GRIP2: variants seen among roughly 807,000 people sequenced by gnomAD.
GRIP2 encodes the protein glutamate receptor interacting protein 2, also known as glutamate receptor-interacting protein 2.
GRIP2 carries 58 observed loss-of-function variants against 108.3 expected under a neutral mutation model. The ratio of observed to expected loss-of-function variants is 0.54; its 90% CI spans 0.43 to 0.67. GRIP2 has a LOEUF of 0.67. GRIP2 is among the 30% of genes least tolerant of loss of function. The probability of loss-of-function intolerance (pLI) is 0.00; values close to 1 mark genes in which losing one functional copy is unlikely to be tolerated. For synonymous variants in GRIP2, 586 were observed against 598.2 expected, an observed-to-expected ratio of 0.98 and a Z score of 0.30; for missense variants, 1,278 against 1,430.6, an observed-to-expected ratio of 0.89 and a Z score of 1.72.
chr3:14,580,857 C>T, the GRIP2 span, among the ~76,000 whole-genome samples: 1 of 152,190 alleles, frequency 6.6e-6, no homozygotes, highest in African/African-American at 2.4e-5. Context: ...GCATTTTACC[C>T]TCCACAATGT....
chr3:14,548,086 C>A (rs553114408), intron 1 of GRIP2, among the ~76,000 whole-genome samples: 2 of 152,248 alleles, frequency 1.3e-5, no homozygotes, highest in East Asian at 3.9e-4. Context: ...AGTGTCTGAG[C>A]CACGCCTTGA....
the GRIP2 span, among the ~76,000 whole-genome samples, chr3:14,572,325 C>A: frequency 2.0e-5 from 3 of 151,810 alleles, no homozygotes; most frequent in Non-Finnish European, 4.4e-5. Context: ...CGTCAAGACA[C>A]AAGCTAGGCC....
At chr3:14,545,185 C>A (rs1695039404), upstream of GRIP2, among the ~76,000 whole-genome samples, 1 of 152,242 alleles carries the variant, frequency 6.6e-6, no homozygotes, top group Non-Finnish European at 1.5e-5. Flanking sequence ...AGCAGAGACT[C>A]CACGCACCAG....
chr3:14,558,344 G>C (rs1429227820), upstream of GRIP2, among the ~76,000 whole-genome samples: 3 of 152,190 alleles, frequency 2.0e-5, no homozygotes, highest in African/African-American at 7.2e-5. Flanking sequence ...CGCCTGGCTG[G>C]CTTAGCCCAG....
chr3:14,539,408 C>G (rs1294598908), intron 1 of GRIP2, among the ~76,000 whole-genome samples: 3 of 152,276 alleles, frequency 2.0e-5, no homozygotes, highest in Admixed American at 6.5e-5. Context: ...CCCTCAGAAG[C>G]AGGGCTGGGG....
Position 14,493,378 on chromosome 3 carries a change from C to A in GRIP2, c.*287G>T, listed in dbSNP as rs1348224766. On this transcript the variant is annotated 3_prime_UTR_variant, in exon 24 of 24. Transcript: ENST00000621039. ...GACAGCCCCCAGGCCTCTCTCCTCT[C>A]GGCTGAGCAGCCTGTGCCAACCCTT... is the stretch of plus-strand genomic sequence containing the variant. 2.5e-6 allele frequency: 1 copy of A among 406,992 alleles called. No homozygotes were observed. The highest frequency in any genetic ancestry group is 4.8e-5 in the South Asian group (1 of 21,008). The allele number at this position is 406,992 out of a possible 1,614,324, so 25.2% of individuals were successfully genotyped here.
At chr3:14,563,210 T>G in the GRIP2 span, among the ~76,000 whole-genome samples, 1 of 152,126 alleles carries the variant, frequency 6.6e-6, no homozygotes, top group Admixed American at 6.5e-5. Context: ...TTAATTCTGC[T>G]GGGTTGCTGC....
At position 14,509,975 on chromosome 3, in the gene GRIP2, G is replaced by C. The variant is rs375935949; in HGVS notation, c.1934-11C>G. On this transcript the variant is annotated splice_polypyrimidine_tract_variant and intron_variant, in intron 16 of 23. Transcript: ENST00000621039. ...TGGTCTCCAGCTCATCTGCAAGCAC[G>C]GGGACCCATGAGGAGGAGGCCCCCG... The C allele has an allele frequency of 6.8e-7, 1 of 1,477,542 alleles. No individual in the cohort carries two copies. Among genetic ancestry groups the C allele is most frequent in the Admixed American group, 2.3e-5 (1 of 44,246 alleles). 91.5% of individuals were successfully genotyped at this position (1,477,542 alleles called of 1,614,324 possible). A position where few individuals can be genotyped will look rare whatever the true frequency, so the allele number is the denominator to read the frequency against.
the GRIP2 span, among the ~76,000 whole-genome samples, chr3:14,569,666 C>G: frequency 7.9e-5 from 12 of 152,302 alleles, no homozygotes; most frequent in African/African-American, 2.6e-4. Flanking sequence ...CACACACATG[C>G]CAGCGCCGCT....
At chr3:14,513,556 T>C (rs1694159178) in intron 13 of GRIP2, 109 bp downstream of exon 13, 1 of 1,379,082 alleles carries the variant, frequency 7.3e-7, no homozygotes, top group South Asian at 1.4e-5. Context: ...AGAAGGGCAC[T>C]GGGCACAGAG....
the GRIP2 span, among the ~76,000 whole-genome samples, chr3:14,591,279 C>T: frequency 2.0e-5 from 3 of 152,222 alleles, no homozygotes; most frequent in Admixed American, 6.5e-5. Context: ...CGCCCCATCA[C>T]TCCTGTGGTA....
chr3:14,577,052 C>T, the GRIP2 span, among the ~76,000 whole-genome samples: 1 of 152,236 alleles, frequency 6.6e-6, no homozygotes, highest in Admixed American at 6.5e-5. Context: ...ACTTCTACCA[C>T]TGTGGAGTTC....
At chr3:14,540,397 G>A, upstream of GRIP2, 2 of 1,608,938 alleles carry the variant, frequency 1.2e-6, no homozygotes, top group Non-Finnish European at 8.5e-7. This position sits in a 1 kb window ranked among gnomAD's most constrained non-coding sequence, Gnocchi z 4.1. Context: ...GGGGCTGTGG[G>A]AGGGAAGCTC....
intron 1 of GRIP2, among the ~76,000 whole-genome samples, chr3:14,554,057 G>A (rs1016296633): frequency 6.6e-6 from 1 of 152,094 alleles, no homozygotes; most frequent in African/African-American, 2.4e-5. Context: ...GGAAGGAAGT[G>A]GTTGGGTCAC....
the GRIP2 span, among the ~76,000 whole-genome samples, chr3:14,578,928 A>G: frequency 6.6e-6 from 1 of 151,974 alleles, no homozygotes; most frequent in South Asian, 2.1e-4. Context: ...AAAGAGCTAA[A>G]CACACACTTA....
Position 14,496,467 on chromosome 3 carries a change from G to A in GRIP2, c.2773C>T (p.Pro925Ser). The change falls in exon 22 of 24, where the codon CCT (proline) becomes TCT (serine). Residue 925 changes from proline to serine, a missense_variant. Coordinates refer to ENST00000621039, the MANE Select transcript of GRIP2 (RefSeq NM_001080423.4). ...WQRGREVRAS[P>S]AEMEELLLPT... Reference sequence around the variant, plus strand: ...AGCAACAGCTCCTCCATTTCTGCAGGAGAGGCTCGTACCTCCCGGCCCCTC... The same window carrying A: ...AGCAACAGCTCCTCCATTTCTGCAGAAGAGGCTCGTACCTCCCGGCCCCTC... The A allele has an allele frequency of 6.2e-7, 1 of 1,612,308 alleles. No individual in the cohort carries two copies. Among genetic ancestry groups the A allele is most frequent in the Non-Finnish European group, 8.5e-7 (1 of 1,179,348 alleles).
the GRIP2 span, among the ~76,000 whole-genome samples, chr3:14,563,263 G>A: frequency 6.6e-6 from 1 of 151,848 alleles, no homozygotes; most frequent in Non-Finnish European, 1.5e-5. Flanking sequence ...TATCTGTGGA[G>A]ATACAGATGA....
chr3:14,598,293 T>C, the GRIP2 span, among the ~76,000 whole-genome samples: 1 of 151,230 alleles, frequency 6.6e-6, no homozygotes, highest in Non-Finnish European at 1.5e-5. Context: ...GTCTTCCCGT[T>C]GTCTCCTAGG....
intron 1 of GRIP2, among the ~76,000 whole-genome samples, chr3:14,537,595 G>A (rs192646397): frequency 3.9e-5 from 6 of 152,210 alleles, no homozygotes; most frequent in Non-Finnish European, 5.9e-5. Flanking sequence ...AGTTTCTCAA[G>A]GTCAGAGACT....
Sources: allele counts gnomAD v4.1 joint callset (sites outside exome capture counted in the v4.1 genomes callset), GRCh38; gene constraint gnomAD v4.1.1; non-coding constraint Gnocchi (gnomAD v3.1); transcripts MANE v1.5; gene names NCBI Gene and HGNC (gene_info 2026-07-23, HGNC 2026-07-21).